The following FNIP1 variants were observed in gnomAD, a reference collection of about 807,000 sequenced individuals.
FNIP1 encodes the protein folliculin-interacting protein 1.
A neutral mutation model predicts 124.5 loss-of-function variants in FNIP1; 40 were observed. The observed-to-expected ratio is 0.32, with a 90% CI of 0.25 to 0.42. FNIP1 has a LOEUF of 0.42. FNIP1 is among the 10% of genes least tolerant of loss of function. The probability of loss-of-function intolerance (pLI) is 1.00; values close to 1 mark genes in which losing one functional copy is unlikely to be tolerated. For missense variants in FNIP1, 1,176 were observed against 1,403.7 expected (o/e 0.84, Z 2.59); for synonymous variants, 472 against 470.6 (o/e 1.00, Z -0.04).
At chr5:131,723,002 G>GA (rs1769725517) in intron 3 of FNIP1, among the ~76,000 whole-genome samples, 1 of 151,866 alleles carries the variant, frequency 6.6e-6, no homozygotes, top group African/African-American at 2.4e-5. Context: ...TAATTTTTAA[G>GA]AAAAAAGTCA....
At chr5:131,795,774 T>C (rs989690746) in intron 1 of FNIP1, 1 of 152,268 alleles carries the variant, frequency 6.6e-6, no homozygotes, top group Middle Eastern at 3.2e-3. Context: ...CAACTTCGCC[T>C]GTTCCAAAAT....
chr5:131,669,439 A>G (rs1015455041), intron 15 of FNIP1, among the ~76,000 whole-genome samples: 2 of 152,186 alleles, frequency 1.3e-5, no homozygotes, highest in African/African-American at 2.4e-5. Context: ...ATATTGGTAA[A>G]TCAAATCCAG....
intron 3 of FNIP1, among the ~76,000 whole-genome samples, chr5:131,725,891 G>C (rs1043878252): frequency 8.5e-5 from 13 of 152,288 alleles, no homozygotes; most frequent in African/African-American, 2.4e-4. Context: ...AGTTTATTGA[G>C]AGTTTTTAGC....
intron 11 of FNIP1, among the ~76,000 whole-genome samples, chr5:131,685,413 A>ATATCTAC (rs1265213135): frequency 6.6e-6 from 1 of 151,580 alleles, no homozygotes; most frequent in Non-Finnish European, 1.5e-5. Context: ...TACTGGCATA[A>ATATCTAC]TATCTACTTC....
At position 131,643,638 on chromosome 5, in the gene FNIP1, G is replaced by T. The variant is rs1561633293; in HGVS notation, c.*1047C>A. Reference sequence around the variant, plus strand: ...AAAAAATACACTTTTGGAAGGGAGGGACTCTTAGAAAAAAAGAGAATAATT... The same window carrying T: ...AAAAAATACACTTTTGGAAGGGAGGTACTCTTAGAAAAAAAGAGAATAATT... On this transcript the variant is annotated 3_prime_UTR_variant, in exon 18 of 18. Transcript: ENST00000510461. 6.6e-6 allele frequency: 1 copy of T among 152,514 alleles called. No homozygotes were observed. Among genetic ancestry groups the T allele is most frequent in the Non-Finnish European group, 1.5e-5 (1 of 67,986 alleles). The allele number at this position is 152,514 out of a possible 1,614,324, so 9.4% of individuals were successfully genotyped here.
At chr5:131,774,050 C>G (rs1023442862) in intron 1 of FNIP1, among the ~76,000 whole-genome samples, 2 of 152,172 alleles carry the variant, frequency 1.3e-5, no homozygotes, top group Non-Finnish European at 2.9e-5. Context: ...CATTTTGAGA[C>G]AGAGTCTCAT....
At chr5:131,684,643 G>A (rs552453320) in intron 11 of FNIP1, among the ~76,000 whole-genome samples, 81 of 152,164 alleles carry the variant, frequency 5.3e-4, no homozygotes, top group African/African-American at 1.7e-3. Flanking sequence ...CACAGCAATT[G>A]ACTCACAAGT....
intron 15 of FNIP1, among the ~76,000 whole-genome samples, chr5:131,652,877 T>C (rs919833319): frequency 6.6e-6 from 1 of 152,030 alleles, no homozygotes; most frequent in Non-Finnish European, 1.5e-5. Context: ...GGTGGGATGA[T>C]TGCTTGAACC....
chr5:131,743,389 C>T (rs892741123), intron 2 of FNIP1, among the ~76,000 whole-genome samples: 3 of 151,292 alleles, frequency 2.0e-5, no homozygotes, highest in African/African-American at 7.3e-5. Context: ...TACTGAGACA[C>T]CGAGAGACAG....
intron 1 of FNIP1, among the ~76,000 whole-genome samples, chr5:131,775,265 C>T (rs1173656715): frequency 5.3e-5 from 8 of 151,806 alleles, no homozygotes; most frequent in African/African-American, 4.8e-5. Flanking sequence ...CTTTTTTTGC[C>T]CCCTGGCAAA....
At chr5:131,708,516 A>G (rs1359749543) in intron 8 of FNIP1, among the ~76,000 whole-genome samples, 1 of 152,196 alleles carries the variant, frequency 6.6e-6, no homozygotes, top group Non-Finnish European at 1.5e-5. Context: ...TCAAAATACA[A>G]CTCAATCATC....
chr5:131,652,051 G>A lies in FNIP1; in HGVS notation c.3109-52C>T, dbSNP rs759165393. 69 of 1,527,448 alleles carry A rather than the reference G, an allele frequency of 4.5e-5. 1 individual carries two copies. In the South Asian group the frequency reaches 7.6e-4, roughly 17 times the overall value. 94.6% of individuals were successfully genotyped at this position (1,527,448 alleles called of 1,614,324 possible). A position where few individuals can be genotyped will look rare whatever the true frequency, so the allele number is the denominator to read the frequency against. On this transcript the variant is annotated intron_variant, in intron 15 of 17. Transcript: ENST00000510461. ...ATGTTTAGCAAATGAAGTTTCCAAA[G>A]ATAATGGTAATTCAGCAATGAAGGT...
chr5:131,684,090 A>G (rs1182827690), intron 11 of FNIP1, among the ~76,000 whole-genome samples: 1 of 152,266 alleles, frequency 6.6e-6, no homozygotes, highest in East Asian at 1.9e-4. Context: ...TTTCAGCACT[A>G]CATTTGGAAG....
chr5:131,733,963 CT>C (rs1561680340), intron 2 of FNIP1, among the ~76,000 whole-genome samples: 1 of 152,172 alleles, frequency 6.6e-6, no homozygotes, highest in African/African-American at 2.4e-5. Flanking sequence ...TGGTCCTGGA[CT>C]TTTTTTGATT....
At chr5:131,667,570 T>C (rs1471131310) in intron 15 of FNIP1, among the ~76,000 whole-genome samples, 1 of 107,412 alleles carries the variant, frequency 9.3e-6, no homozygotes, top group Non-Finnish European at 2.3e-5. Flanking sequence ...TTCACTTCTG[T>C]TTTTTTGTTT....
intron 15 of FNIP1, among the ~76,000 whole-genome samples, chr5:131,662,003 T>G (rs1767455298): frequency 6.6e-6 from 1 of 152,186 alleles, no homozygotes; most frequent in Non-Finnish European, 1.5e-5. Flanking sequence ...TTTTACATCC[T>G]TGAGAGCATG....
In FNIP1 at chr5:131,647,202, C is replaced by T. The variant is rs1251693022; in HGVS notation, c.3310G>A (p.Val1104Ile). The T allele has an allele frequency of 6.2e-7, 1 of 1,612,966 alleles. No homozygotes were observed. Among genetic ancestry groups the T allele is most frequent in the East Asian group, 2.2e-5 (1 of 44,876 alleles). ...TGCAACCGGTCTTCAAGATGCATTACACACTGCAGTTAGGGAGGAACCAAG... is the reference window on the plus strand; with the variant it reads ...TGCAACCGGTCTTCAAGATGCATTATACACTGCAGTTAGGGAGGAACCAAG... ...YKHNLSPNFC[V>I]MHLEDRLQEL... is the part of the protein sequence containing the mutation. Residue 1104 changes from valine (V) to isoleucine (I), a missense_variant, in exon 17 of 18, where the codon GTA becomes ATA. This residue lies in a region of FNIP1 where 67 missense variants were observed against 115.2 expected (regional missense o/e 0.58). Coordinates refer to ENST00000510461, the MANE Select transcript of FNIP1 (RefSeq NM_133372.3).
At chr5:131,785,166 C>CTA (rs201429211) in intron 1 of FNIP1, among the ~76,000 whole-genome samples, 8 of 83,928 alleles carry the variant, frequency 9.5e-5, no homozygotes, top group East Asian at 4.4e-4. Flanking sequence ...ATATATATGA[C>CTA]TATATATATA....
chr5:131,780,055 T>A (rs900232577), intron 1 of FNIP1, among the ~76,000 whole-genome samples: 2 of 151,738 alleles, frequency 1.3e-5, no homozygotes, highest in Admixed American at 1.3e-4. Flanking sequence ...ATAATAATAA[T>A]AATAATAAAA....
Sources: gnomAD v4.1 joint callset for allele counts (sites outside exome capture counted in the v4.1 genomes callset) on GRCh38, gnomAD v4.1.1 for gene constraint, gnomAD v4.1.1 regional missense constraint, MANE v1.5 for transcripts, NCBI Gene and HGNC (gene_info 2026-07-23, HGNC 2026-07-21) for gene names.